The following RHBDF1 variants were observed in gnomAD, a reference collection of about 807,000 sequenced individuals.
RHBDF1 encodes inactive rhomboid protein 1.
RHBDF1 carries 80 observed loss-of-function variants against 98.6 expected under a neutral mutation model. The observed-to-expected ratio is 0.81, with a 90% CI of 0.68 to 0.98. The LOEUF (loss-of-function observed/expected upper bound fraction) is 0.98, where lower values mean the gene tolerates loss of function less well. RHBDF1 is among the 50% of genes least tolerant of loss of function. The pLI, the probability that RHBDF1 is intolerant of heterozygous loss-of-function variation, is 0.00. For missense variants in RHBDF1, 1,116 were observed against 1,198.3 expected (o/e 0.93, Z 1.01); for synonymous variants, 512 against 486.8 (o/e 1.05, Z -0.68).
At position 63,672 on chromosome 16, in the gene RHBDF1, A is replaced by T. The variant is rs1175378496; in HGVS notation, c.377T>A (p.Leu126Gln). 1 of 1,612,500 alleles carries T rather than the reference A, an allele frequency of 6.2e-7. No homozygotes were observed. The highest frequency in any genetic ancestry group is 1.3e-5 in the African/African-American group (1 of 75,040). ...CAGCGACACGTTGTCCTGGCTGGGC[A>T]GGTCCAGCTCCCGGAGGACCTGGGG... ...LKPQVLRELD[L>Q]PSQDNVSLTS... The change falls in exon 4 of 18, where the codon CTG (leucine) becomes CAG (glutamine). Residue 126 changes from leucine to glutamine, a missense_variant. Coordinates refer to ENST00000262316, the MANE Select transcript of RHBDF1 (RefSeq NM_022450.5).
At chr16:73,855 T>C (rs997633804), upstream of RHBDF1, 2 of 847,194 alleles carry the variant, frequency 2.4e-6, no homozygotes, top group African/African-American at 1.8e-5. Context: ...ACGCAGACAA[T>C]GGCCTGCTCC....
At chr16:62,217 G>A (rs1388106141) in intron 7 of RHBDF1, 165 bp from the exon 8 acceptor site, 9 of 973,364 alleles carry the variant, frequency 9.2e-6, no homozygotes, top group African/African-American at 3.3e-5. Context: ...GCGGGCCTCC[G>A]GGGATGGCAG....
rs1897468352 is a variant in RHBDF1, at chr16:58,503, C to A, written c.2405G>T (p.Cys802Phe). 2 of 1,614,126 alleles carry A rather than the reference C, an allele frequency of 1.2e-6. No homozygotes were observed. The highest frequency in any genetic ancestry group is 1.7e-6 in the Non-Finnish European group (2 of 1,180,042). The part of the protein sequence containing the change: ...FGKFDLYRKR[C>F]QIIIFQVVFL... ...GACCACCTGAAAGATGATGATCTGGCAGCGTTTCCGGTACAGGTCGAACTT... is the reference window on the plus strand; with the variant it reads ...GACCACCTGAAAGATGATGATCTGGAAGCGTTTCCGGTACAGGTCGAACTT... Residue 802 changes from cysteine (C) to phenylalanine (F), a missense_variant, in exon 18 of 18, where the codon TGC (cysteine) becomes TTC (phenylalanine). Coordinates refer to ENST00000262316, the MANE Select transcript of RHBDF1 (RefSeq NM_022450.5).
At chr16:71,053 T>G (rs1348992972) in intron 1 of RHBDF1, among the ~76,000 whole-genome samples, 1 of 152,186 alleles carries the variant, frequency 6.6e-6, no homozygotes, top group African/African-American at 2.4e-5. Context: ...GGGCAGGGAC[T>G]GTAGCTGGGA....
In RHBDF1 at chr16:72,603, G is replaced by GCCCGCCGGTCCGGCCCT; in HGVS notation, c.-116_-115insAGGGCCGGACCGGCGGG. Reference sequence around the variant, plus strand: ...GAGGGCCCGCGCCGAGTCCCCGCCCGCCCGCCGGTCCGGCCCGCCCGGGAA... The same window carrying GCCCGCCGGTCCGGCCCT: ...GAGGGCCCGCGCCGAGTCCCCGCCCGCCCGCCGGTCCGGCCCTCCCGCCGGTCCGGCCCGCCCGGGAA... On this transcript the variant is annotated 5_prime_UTR_variant, in exon 1 of 18. Coordinates refer to ENST00000262316, the MANE Select transcript of RHBDF1 (RefSeq NM_022450.5). The GCCCGCCGGTCCGGCCCT allele has an allele frequency of 1.0e-6, 1 of 977,240 alleles. No homozygotes were observed. The allele number at this position is 977,240 out of a possible 1,614,324, so 60.5% of individuals were successfully genotyped here.
Position 64,223 on chromosome 16 carries a change from C to T in RHBDF1, c.249-423G>A, listed in dbSNP as rs1209681055. The T allele has an allele frequency of 6.8e-6, 9 of 1,323,454 alleles. No homozygotes were observed. The East Asian group carries it at 4.5e-4, about 66-fold the overall frequency. The allele number at this position is 1,323,454 out of a possible 1,614,324, so 82.0% of individuals were successfully genotyped here. The stretch of plus-strand genomic sequence containing the variant: ...CATGCAAACAAAAACACTGCCAGCA[C>T]CTGCCGTTAGGAGCCCCAGGGAATG... On this transcript the variant is annotated intron_variant, in intron 3 of 17. Transcript: ENST00000262316.
rs560981143 is a variant in RHBDF1, at chr16:67,582, G to A, written c.-24-2543C>T. ...TCCCATCTCAGAGCCCTGCAAATGC[G>A]CTCTGCCCACCCTCCCCTGTGTGGG... On this transcript the variant is annotated intron_variant, in intron 1 of 17. Coordinates refer to ENST00000262316, the MANE Select transcript of RHBDF1 (RefSeq NM_022450.5). Among the ~76,000 whole-genome samples the A allele has an allele frequency of 3.3e-5, 5 of 152,298 alleles. No homozygotes were observed. The East Asian group carries it at 7.7e-4, about 23-fold the overall frequency.
intron 1 of RHBDF1, among the ~76,000 whole-genome samples, chr16:71,321 C>T (rs1872000825): frequency 6.6e-6 from 1 of 152,196 alleles, no homozygotes; most frequent in African/African-American, 2.4e-5. Context: ...TGCCCCTGCC[C>T]CATTCTCAGG....
Position 58,355 on chromosome 16 carries a change from G to A in RHBDF1, c.2553C>T (p.Asp851=), listed in dbSNP as rs144558704. Residue 851 remains aspartate, a synonymous_variant, in exon 18 of 18, where the codon GAC becomes GAT. Coordinates refer to ENST00000262316, the MANE Select transcript of RHBDF1 (RefSeq NM_022450.5). ...CGCAGCCAGCTCAGTGGAGCTGAGC[G>A]TCCAGTTCGTACTTCTCACAGAACT... The part of the protein sequence containing the change: ...TDKFCEKYEL[D]AQLH 401 of 1,611,922 alleles carry A rather than the reference G, an allele frequency of 2.5e-4. 1 individual carries two copies. In the African/African-American group the frequency reaches 4.5e-3, roughly 18 times the overall value.
At position 64,945 on chromosome 16, in the gene RHBDF1, A is replaced by G. The variant is rs765352685; in HGVS notation, c.71T>C (p.Ile24Thr). ...RKKPPWLKLD[I>T]PSAVPLTAEE... ...TGCCGTCAGGGGCACCGCAGAGGGA[A>G]TGTCCAGCTTTAGCCAGGGTGGCTT... The change falls in exon 2 of 18, where the codon ATT becomes ACT. Residue 24 changes from isoleucine to threonine, a missense_variant. By Grantham distance (89) the Ile-to-Thr change is moderately conservative. Coordinates refer to ENST00000262316, the MANE Select transcript of RHBDF1 (RefSeq NM_022450.5). 1.1e-4 allele frequency: 172 copies of G among 1,590,038 alleles called. 1 individual carries two copies. In the South Asian group the frequency reaches 1.7e-3, roughly 15 times the overall value.
chr16:62,683 G>A lies in RHBDF1; in HGVS notation c.808C>T (p.His270Tyr). ...TSFFAREGILHEELSTYPDEV... is the reference protein window; with the variant it reads ...TSFFAREGILYEELSTYPDEV... The stretch of plus-strand genomic sequence containing the variant: ...TCCGGGTATGTGGACAGCTCTTCAT[G>A]GAGGATACCTTCCTGAGCAAACACA... The change falls in exon 7 of 18, where the codon CAT becomes TAT. Residue 270 changes from histidine to tyrosine, a missense_variant. Transcript: ENST00000262316. 6.2e-7 allele frequency: 1 copy of A among 1,614,166 alleles called. No individual in the cohort carries two copies. The highest frequency in any genetic ancestry group is 8.5e-7 in the Non-Finnish European group (1 of 1,180,034).
chr16:69,730 T>C (rs1427391765), intron 1 of RHBDF1, among the ~76,000 whole-genome samples: 1 of 152,188 alleles, frequency 6.6e-6, no homozygotes, highest in Non-Finnish European at 1.5e-5. Context: ...AACCCCAAAG[T>C]GCTCTTCAAC....
Position 72,522 on chromosome 16 carries a change from C to CA in RHBDF1, c.-35_-34insT. ...GGCCGCGCTCACTCACTGCCGCCGCCGGGGGCTCTGGGGGGTCCTGAGGGC... is the reference window on the plus strand; with the variant it reads ...GGCCGCGCTCACTCACTGCCGCCGCCAGGGGGCTCTGGGGGGTCCTGAGGGC... On this transcript the variant is annotated 5_prime_UTR_variant, in exon 1 of 18. Coordinates refer to ENST00000262316, the MANE Select transcript of RHBDF1 (RefSeq NM_022450.5). 1.2e-6 allele frequency: 1 copy of CA among 831,030 alleles called. No individual in the cohort carries two copies. The highest frequency in any genetic ancestry group is 1.3e-6 in the Non-Finnish European group (1 of 759,608). 51.5% of individuals were successfully genotyped at this position (831,030 alleles called of 1,614,324 possible). A position where few individuals can be genotyped will look rare whatever the true frequency, so the allele number is the denominator to read the frequency against.
upstream of RHBDF1, among the ~76,000 whole-genome samples, chr16:74,297 G>A (rs1294028200): frequency 1.3e-5 from 2 of 152,246 alleles, no homozygotes; most frequent in African/African-American, 4.8e-5. Flanking sequence ...GGCTGGCAGG[G>A]CCAGAAGTGG....
At chr16:62,721 G>A (rs1298832006) in intron 6 of RHBDF1, 26 bp from the exon 7 acceptor site, 2 of 1,614,010 alleles carry the variant, frequency 1.2e-6, no homozygotes, top group East Asian at 2.2e-5. Flanking sequence ...AGGTCAGGGT[G>A]GACACAGGCA....
At chr16:62,736 G>A (rs372254410) in intron 6 of RHBDF1, 39 bp downstream of exon 6, 2 of 1,613,992 alleles carry the variant, frequency 1.2e-6, no homozygotes, top group Admixed American at 1.7e-5. Context: ...CAGGCAGGAA[G>A]GGAACGTGGG....
chr16:62,964 T>C lies in RHBDF1; in HGVS notation c.672+9A>G, dbSNP rs1235660108. ...GGCCCCCAACCCCGCCTTTGGCCCC[T>C]GCACCCACTTTCATCAGCGCTGCGG... is the stretch of plus-strand genomic sequence containing the variant. On this transcript the variant is annotated intron_variant, in intron 5 of 17. Transcript: ENST00000262316. 6.2e-7 allele frequency: 1 copy of C among 1,612,082 alleles called. No homozygotes were observed. Among genetic ancestry groups the C allele is most frequent in the East Asian group, 2.2e-5 (1 of 44,856 alleles).
At chr16:64,214 C>T (rs1203841563) in intron 3 of RHBDF1, 2 of 1,309,524 alleles carry the variant, frequency 1.5e-6, no homozygotes, top group Non-Finnish European at 2.0e-6. Context: ...AACAAAAACA[C>T]TGCCAGCACC....
rs577492823 is a variant in RHBDF1, at chr16:65,060, T to C, written c.-24-21A>G. On this transcript the variant is annotated intron_variant, in intron 1 of 17. Coordinates refer to ENST00000262316, the MANE Select transcript of RHBDF1 (RefSeq NM_022450.5). ...CAGGCCTGCGGGGCATGGTGTGTTA[T>C]TCAATAATGACAAAGCTGACATCTG... is the stretch of plus-strand genomic sequence containing the variant. 6.6e-5 allele frequency: 98 copies of C among 1,489,762 alleles called. No homozygotes were observed. In the South Asian group the frequency reaches 1.3e-3, roughly 20 times the overall value. 92.3% of individuals were successfully genotyped at this position (1,489,762 alleles called of 1,614,324 possible). A position where few individuals can be genotyped will look rare whatever the true frequency, so the allele number is the denominator to read the frequency against.
Sources: gnomAD v4.1 joint callset for allele counts (sites outside exome capture counted in the v4.1 genomes callset) on GRCh38, gnomAD v4.1.1 for gene constraint, MANE v1.5 for transcripts, NCBI Gene and HGNC (gene_info 2026-07-23, HGNC 2026-07-21) for gene names.